MED27: variants seen among roughly 807,000 people sequenced by gnomAD.
The protein encoded by MED27 is mediator complex subunit 27.
A neutral mutation model predicts 38.2 loss-of-function variants in MED27; 30 were observed. That is an observed-to-expected ratio of 0.79 (90% CI 0.59 to 1.07). MED27 has a LOEUF of 1.07. MED27 is among the 50% of genes least tolerant of loss of function. MED27 has a pLI of 0.00. For synonymous variants in MED27, 122 were observed against 153.5 expected, an observed-to-expected ratio of 0.79 and a Z score of 1.52; for missense variants, 289 against 397.5, an observed-to-expected ratio of 0.73 and a Z score of 2.32.
intron 4 of MED27, among the ~76,000 whole-genome samples, chr9:131,903,460 C>T (rs1333394180): frequency 6.6e-6 from 1 of 152,114 alleles, no homozygotes; most frequent in Non-Finnish European, 1.5e-5. Context: ...CAGGTGTTAC[C>T]CCATTAGTCC....
chr9:131,958,679 C>T (rs763167882), intron 3 of MED27, among the ~76,000 whole-genome samples: 89 of 152,206 alleles, frequency 5.8e-4, no homozygotes, highest in Non-Finnish European at 1.1e-3. Context: ...CAGCTCCCAC[C>T]GTGGTGCCAA....
intron 4 of MED27, among the ~76,000 whole-genome samples, chr9:131,898,042 CA>C (rs1359470318): frequency 6.6e-6 from 1 of 151,920 alleles, no homozygotes; most frequent in Non-Finnish European, 1.5e-5. Context: ...TATACTTTAA[CA>C]TGCTGCTCCT....
intron 4 of MED27, among the ~76,000 whole-genome samples, chr9:131,905,561 G>A (rs558322960): frequency 6.6e-5 from 10 of 152,164 alleles, no homozygotes; most frequent in Admixed American, 3.9e-4. Flanking sequence ...GACCAGGTAC[G>A]GTGGCTCATG....
Position 131,947,674 on chromosome 9 carries a change from T to C in MED27, c.480-8200A>G, listed in dbSNP as rs1257323262. Among the ~76,000 whole-genome samples the C allele has an allele frequency of 2.6e-5, 4 of 151,036 alleles. No individual in the cohort carries two copies. In the South Asian group the frequency reaches 6.3e-4, roughly 24 times the overall value. On this transcript the variant is annotated intron_variant, in intron 3 of 7. Coordinates refer to ENST00000292035, the MANE Select transcript of MED27 (RefSeq NM_004269.4). ...AGTTCTCTAAAGACTGACCCCCTCC[T>C]CAAAAGAAAAAAAAAACACACACAC...
rs148505516 is a variant in MED27, at chr9:131,976,341, A to C, written c.480-36867T>G. 1.6e-3 allele frequency among the ~76,000 whole-genome samples: 251 copies of C among 152,318 alleles called. 1 individual carries two copies. The highest frequency in any genetic ancestry group is 3.4e-3 in the Middle Eastern group (1 of 294). ...AAAGCATACCCCAGCAAAATGCTGC[A>C]ATGCTGGAGATTCAATTATCCTCTC... On this transcript the variant is annotated intron_variant, in intron 3 of 7. Transcript: ENST00000292035.
At chr9:131,884,659 G>C (rs1839106847) in intron 5 of MED27, among the ~76,000 whole-genome samples, 1 of 146,826 alleles carries the variant, frequency 6.8e-6, no homozygotes, top group Non-Finnish European at 1.5e-5. Flanking sequence ...CCAGGCTGGA[G>C]TGCAGTGGCG....
intron 3 of MED27, among the ~76,000 whole-genome samples, chr9:131,964,795 C>T (rs913185488): frequency 6.6e-6 from 1 of 152,214 alleles, no homozygotes; most frequent in Non-Finnish European, 1.5e-5. Flanking sequence ...CTTTCCGATA[C>T]AAGGACATAT....
intron 4 of MED27, among the ~76,000 whole-genome samples, chr9:131,937,132 C>A (rs1420509775): frequency 1.3e-5 from 2 of 152,164 alleles, no homozygotes; most frequent in East Asian, 3.9e-4. Flanking sequence ...GGTAGGAATT[C>A]CCATCACCCA....
Position 131,967,030 on chromosome 9 carries a change from G to A in MED27, c.480-27556C>T, listed in dbSNP as rs115054354. Among the ~76,000 whole-genome samples the A allele has an allele frequency of 2.1e-3, 321 of 152,340 alleles. 1 individual carries two copies. The highest frequency in any genetic ancestry group is 7.5e-3 in the African/African-American group (312 of 41,570). ...ACAATACTATTTCACTCACAGCATC[G>A]CTAAATAACCATGCATGTAATGTGC... On this transcript the variant is annotated intron_variant, in intron 3 of 7. Transcript: ENST00000292035.
chr9:131,960,711 AG>A (rs537148936), intron 3 of MED27, among the ~76,000 whole-genome samples: 219 of 152,360 alleles, frequency 1.4e-3, no homozygotes, highest in African/African-American at 5.1e-3. Flanking sequence ...TATGTACAGA[AG>A]ATGAATACAG....
chr9:131,998,861 T>C (rs1832156822), intron 3 of MED27, among the ~76,000 whole-genome samples: 1 of 152,078 alleles, frequency 6.6e-6, no homozygotes, highest in East Asian at 1.9e-4. Context: ...TTACTTAATG[T>C]ATTTACTTAA....
chr9:132,005,286 G>A (rs1318090148), intron 3 of MED27, among the ~76,000 whole-genome samples: 1 of 152,192 alleles, frequency 6.6e-6, no homozygotes, highest in East Asian at 1.9e-4. Flanking sequence ...TGCCTTCTGA[G>A]TCTACTTCAA....
rs1340003143 is a variant in MED27, at chr9:131,979,504, AC to A, written c.479+34832del. Among the ~76,000 whole-genome samples, 11 of 110,000 alleles carry A rather than the reference AC, an allele frequency of 1.0e-4. No homozygotes were observed. In the South Asian group the frequency reaches 1.5e-3, roughly 15 times the overall value. 72.2% of individuals were successfully genotyped at this position (110,000 alleles called of 152,430 possible). ...GTTCCAAAAAAAAAAAAAAAAAAAA[AC>A]CCCACAATAACCCAATCTGGATTTT... is the stretch of plus-strand genomic sequence containing the variant. On this transcript the variant is annotated intron_variant, in intron 3 of 7. Transcript: ENST00000292035.
intron 3 of MED27, among the ~76,000 whole-genome samples, chr9:132,005,201 A>AAAGAGCAATG (rs1832333005): frequency 1.3e-5 from 2 of 152,224 alleles, no homozygotes; most frequent in South Asian, 4.1e-4. Flanking sequence ...GAGAAACTCT[A>AAAGAGCAATG]AAGAGCAATG....
At position 131,862,288 on chromosome 9, in the gene MED27, A is replaced by G. The variant is rs1838664046; in HGVS notation, c.801+775T>C. On this transcript the variant is annotated intron_variant, in intron 7 of 7. Transcript: ENST00000292035. The surrounding 1 kb of genome is among the most constrained non-coding windows in gnomAD (Gnocchi z 4.6). Reference sequence around the variant, plus strand: ...AACCGGCAGACTTTCTAGCATGAAGAAAACAGGGAGTCCCAGCAGCGGTGG... The same window carrying G: ...AACCGGCAGACTTTCTAGCATGAAGGAAACAGGGAGTCCCAGCAGCGGTGG... Among the ~76,000 whole-genome samples the G allele has an allele frequency of 6.6e-6, 1 of 152,200 alleles. No individual in the cohort carries two copies. The highest frequency in any genetic ancestry group is 2.1e-4 in the South Asian group (1 of 4,828).
At chr9:131,911,236 G>C (rs1453452892) in intron 4 of MED27, among the ~76,000 whole-genome samples, 1 of 152,198 alleles carries the variant, frequency 6.6e-6, no homozygotes, top group African/African-American at 2.4e-5. Context: ...TAGCGTGCAG[G>C]AGGAGGAGAC....
intron 3 of MED27, among the ~76,000 whole-genome samples, chr9:131,962,869 G>C (rs1404088199): frequency 1.3e-5 from 2 of 152,176 alleles, no homozygotes; most frequent in Admixed American, 6.5e-5. Flanking sequence ...TTAGTGAAGA[G>C]GAAAGCTGGA....
intron 2 of MED27, among the ~76,000 whole-genome samples, chr9:132,062,316 G>A (rs894360756): frequency 2.0e-5 from 3 of 152,212 alleles, no homozygotes; most frequent in South Asian, 2.1e-4. Flanking sequence ...ACACGGGAGC[G>A]GGCAGGTGGC....
intron 4 of MED27, among the ~76,000 whole-genome samples, chr9:131,938,073 TG>T (rs1447651324): frequency 6.6e-6 from 1 of 152,192 alleles, no homozygotes; most frequent in African/African-American, 2.4e-5. Context: ...GTCACTAATT[TG>T]TTTCCCCCAC....
Sources: gnomAD v4.1 joint callset for allele counts (sites outside exome capture counted in the v4.1 genomes callset) on GRCh38, gnomAD v4.1.1 for gene constraint, Gnocchi (gnomAD v3.1) non-coding constraint, MANE v1.5 for transcripts, NCBI Gene and HGNC (gene_info 2026-07-23, HGNC 2026-07-21) for gene names.